Variants in KIF18B observed in about 807,000 individuals in gnomAD.
KIF18B encodes the protein kinesin-like protein KIF18B.
In KIF18B, 49 loss-of-function variants were observed where a neutral mutation model predicts 80.9. That is an observed-to-expected ratio of 0.61 (90% CI 0.48 to 0.77). The LOEUF (loss-of-function observed/expected upper bound fraction) is 0.77. KIF18B is among the 30% of genes least tolerant of loss of function. KIF18B has a pLI of 0.00. For synonymous variants in KIF18B, 439 were observed against 463.9 expected, an observed-to-expected ratio of 0.95 and a Z score of 0.69; for missense variants, 994 against 1,127.7, an observed-to-expected ratio of 0.88 and a Z score of 1.70.
Position 44,931,587 on chromosome 17 carries a change from CAAG to C in KIF18B, c.1517+12_1517+14del, listed in dbSNP as rs745648025. 34 of 1,613,784 alleles carry C rather than the reference CAAG, an allele frequency of 2.1e-5. No individual in the cohort carries two copies. The Middle Eastern group carries it at 6.6e-4, about 31-fold the overall frequency. On this transcript the variant is annotated intron_variant, in intron 11 of 15. Transcript: ENST00000593135. The stretch of plus-strand genomic sequence containing the variant: ...TTCCCACCTTGATTCCAGAATACAG[CAAG>C]AAGATACCTACTGCTTAGAACGGTC...
chr17:44,926,629 G>C, intron 14 of KIF18B, 130 bp from the exon 15 acceptor site: 2 of 882,282 alleles, frequency 2.3e-6, no homozygotes, highest in Non-Finnish European at 3.4e-6. Context: ...ACCAGCAGGA[G>C]CTTCCAGAGC....
At position 44,934,879 on chromosome 17, in the gene KIF18B, G is replaced by A. The variant is rs141169203; in HGVS notation, c.528C>T (p.Arg176=). The A allele has an allele frequency of 2.1e-3, 3,252 of 1,551,944 alleles. 68 individuals carry two copies. The Admixed American group carries it at 0.041, about 20-fold the overall frequency. ...CCACCACCCCCTTGTCGGGGTCCTC[G>A]CGGATGGCAAGGGGCCCCTTGGGCT... The part of the protein sequence containing the change: ...LLEPKGPLAI[R]EDPDKGVVVQ... The change falls in exon 4 of 16, where the codon CGC becomes CGT. Residue 176 remains arginine, a synonymous_variant. Transcript: ENST00000593135. The surrounding 1 kb of genome is among the most constrained non-coding windows in gnomAD (Gnocchi z 5.4).
At chr17:44,929,493 C>T (rs1264188671) in intron 11 of KIF18B, among the ~76,000 whole-genome samples, 1 of 152,182 alleles carries the variant, frequency 6.6e-6, no homozygotes, top group Non-Finnish European at 1.5e-5. Context: ...CAATACCTCC[C>T]AGCTGTGTGA....
intron 1 of KIF18B, among the ~76,000 whole-genome samples, chr17:44,946,564 G>A (rs775017441): frequency 1.3e-5 from 2 of 152,158 alleles, no homozygotes; most frequent in Admixed American, 6.5e-5. Context: ...AAGATTAAAT[G>A]AGTTCATTCA....
intron 9 of KIF18B, 91 bp from the exon 10 acceptor site, chr17:44,932,297 G>A: frequency 7.0e-7 from 1 of 1,422,066 alleles, no homozygotes; most frequent in South Asian, 1.4e-5. Context: ...GGGAGAGCAG[G>A]GAGCGGGTGG....
chr17:44,927,911 G>T lies in KIF18B; in HGVS notation c.2276+115C>A. On this transcript the variant is annotated intron_variant, in intron 13 of 15. Coordinates refer to ENST00000593135, the MANE Select transcript of KIF18B (RefSeq NM_001265577.2). This position sits in a 1 kb window ranked among gnomAD's most constrained non-coding sequence, Gnocchi z 4.1. ...AGCGGATCACAACCAAAGTGGAACA[G>T]ATAGGAACCGTCCCAGCTCCAAGGC... 1.0e-6 allele frequency: 1 copy of T among 966,880 alleles called. No individual in the cohort carries two copies. Among genetic ancestry groups the T allele is most frequent in the Non-Finnish European group, 1.5e-6 (1 of 686,936 alleles). The allele number at this position is 966,880 out of a possible 1,614,324, so 59.9% of individuals were successfully genotyped here.
At position 44,928,895 on chromosome 17, in the gene KIF18B, C is replaced by G; in HGVS notation, c.1647G>C (p.Glu549Asp). The G allele has an allele frequency of 6.2e-7, 1 of 1,613,996 alleles. No individual in the cohort carries two copies. ...LQQLVQEEKI[E>D]PGAEALRTSG... ...AAGTCCTCAAGGCCTCTGCCCCAGG[C>G]TCAATTTTTTCCTCTTGCACCAGCT... Residue 549 changes from glutamate to aspartate, a missense_variant, in exon 12 of 16, where the codon GAG becomes GAC. Coordinates refer to ENST00000593135, the MANE Select transcript of KIF18B (RefSeq NM_001265577.2).
In KIF18B at chr17:44,926,392, C is replaced by A; in HGVS notation, c.2452+22G>T. 4 of 1,560,558 alleles carry A rather than the reference C, an allele frequency of 2.6e-6. No homozygotes were observed. The South Asian group carries it at 3.5e-5, about 14-fold the overall frequency. ...CATCGGCCTCCATGGCCCAGGCTAT[C>A]CCTGTCCCTAGTGCCAGTCACCTGG... On this transcript the variant is annotated intron_variant, in intron 15 of 15. Coordinates refer to ENST00000593135, the MANE Select transcript of KIF18B (RefSeq NM_001265577.2).
In KIF18B at chr17:44,934,308, C is replaced by G; in HGVS notation, c.810G>C (p.Arg270=). 1.2e-6 allele frequency: 2 copies of G among 1,611,850 alleles called. No homozygotes were observed. The highest frequency in any genetic ancestry group is 1.7e-6 in the Non-Finnish European group (2 of 1,179,154). The change falls in exon 6 of 16, where the codon CGG becomes CGC. Residue 270 remains arginine (R), a synonymous_variant. Transcript: ENST00000593135. The surrounding 1 kb of genome is among the most constrained non-coding windows in gnomAD (Gnocchi z 5.4). ...GGTTGATGTTGGCCCCCTCCCGCAG[C>G]CGCTCCCCCTTCGCATGGGTGCTGG... ...RASSTHAKGE[R]LREGANINRS...
At chr17:44,936,616 ATATATATATTTTTTTTTTT>A (rs1567796156) in intron 1 of KIF18B, among the ~76,000 whole-genome samples, 10 of 79,786 alleles carry the variant, frequency 1.3e-4, no homozygotes, top group African/African-American at 5.1e-4. Context: ...ATATATATAT[ATATATATATTTTTTTTTTT>A]TTTTTTTTTT....
At position 44,926,026 on chromosome 17, in the gene KIF18B, C is replaced by T; in HGVS notation, c.*54G>A. On this transcript the variant is annotated 3_prime_UTR_variant, in exon 16 of 16. Transcript: ENST00000593135. Reference sequence around the variant, plus strand: ...GTGGCTACAGGTCCAAGAGGGGTATCCAGCAGAGGGGCCGGTAGGTTAGGA... The same window carrying T: ...GTGGCTACAGGTCCAAGAGGGGTATTCAGCAGAGGGGCCGGTAGGTTAGGA... 1 of 1,601,118 alleles carries T rather than the reference C, an allele frequency of 6.2e-7. No individual in the cohort carries two copies. Among genetic ancestry groups the T allele is most frequent in the Middle Eastern group, 1.7e-4 (1 of 6,046 alleles).
chr17:44,947,503 G>T (rs1044883662), intron 1 of KIF18B, 125 bp downstream of exon 1: 9 of 152,342 alleles, frequency 5.9e-5, no homozygotes, highest in African/African-American at 2.2e-4. Flanking sequence ...TCTCCGCGCC[G>T]CACCTTGACG....
At chr17:44,936,592 CTCTCTCTATATATATATA>C (rs1210696021) in intron 1 of KIF18B, among the ~76,000 whole-genome samples, 1 of 53,110 alleles carries the variant, frequency 1.9e-5, no homozygotes, top group South Asian at 7.9e-4. Context: ...CTCTCTCTCT[CTCTCTCTATATATATATA>C]TATATATATA....
chr17:44,929,076 G>A, intron 11 of KIF18B, 52 bp from the exon 12 acceptor site: 1 of 1,525,500 alleles, frequency 6.6e-7, no homozygotes. Context: ...AGCCTGACCA[G>A]GAGCCTCTAT....
In KIF18B at chr17:44,931,642, G is replaced by A. The variant is rs745911249; in HGVS notation, c.1477C>T (p.His493Tyr). The change falls in exon 11 of 16, where the codon CAC becomes TAC. Residue 493 changes from histidine to tyrosine, a missense_variant. Coordinates refer to ENST00000593135, the MANE Select transcript of KIF18B (RefSeq NM_001265577.2). The stretch of plus-strand genomic sequence containing the variant: ...CCATCCAGTTCCCGTGCTGAGAAGT[G>A]GCCCACGACTGGCTTGGGCTGCAGG... ...LTLQPKPVVG[H>Y]FSARELDGDR... The A allele has an allele frequency of 8.7e-6, 14 of 1,613,866 alleles. No individual in the cohort carries two copies. The highest frequency in any genetic ancestry group is 1.3e-5 in the African/African-American group (1 of 74,902).
chr17:44,946,289 G>A (rs1354690452), intron 1 of KIF18B, among the ~76,000 whole-genome samples: 1 of 151,962 alleles, frequency 6.6e-6, no homozygotes, highest in African/African-American at 2.4e-5. Flanking sequence ...AATGGAATTC[G>A]GTTAGATAAT....
chr17:44,934,150 A>G lies in KIF18B; in HGVS notation c.886-51T>C. The G allele has an allele frequency of 1.2e-6, 2 of 1,602,778 alleles. No homozygotes were observed. The highest frequency in any genetic ancestry group is 1.7e-6 in the Non-Finnish European group (2 of 1,174,086). Reference sequence around the variant, plus strand: ...GTGAGGCGACTGATGGCACTGACCCAGGATGGGGCCCTGTGGCCTTTGGCC... The same window carrying G: ...GTGAGGCGACTGATGGCACTGACCCGGGATGGGGCCCTGTGGCCTTTGGCC... On this transcript the variant is annotated intron_variant, in intron 6 of 15. Transcript: ENST00000593135. This position sits in a 1 kb window ranked among gnomAD's most constrained non-coding sequence, Gnocchi z 5.4.
In KIF18B at chr17:44,935,252, A is replaced by T. The variant is rs2052258588; in HGVS notation, c.471+7T>A. The T allele has an allele frequency of 1.3e-6, 2 of 1,596,602 alleles. No individual in the cohort carries two copies. Among genetic ancestry groups the T allele is most frequent in the Non-Finnish European group, 1.7e-6 (2 of 1,169,640 alleles). ...TGAGAACAAGGCCCAGGGCAGGGGC[A>T]GCCGACCTCCTGGTAGCTGATGAGC... On this transcript the variant is annotated splice_region_variant and intron_variant, in intron 3 of 15. Transcript: ENST00000593135.
chr17:44,944,554 G>A (rs1029200853), intron 1 of KIF18B, among the ~76,000 whole-genome samples: 1 of 152,052 alleles, frequency 6.6e-6, no homozygotes, highest in Non-Finnish European at 1.5e-5. Context: ...GGCCCGACTT[G>A]TAATTTTCTT....
Sources: gnomAD v4.1 joint callset for allele counts (sites outside exome capture counted in the v4.1 genomes callset) on GRCh38, gnomAD v4.1.1 for gene constraint, Gnocchi (gnomAD v3.1) non-coding constraint, MANE v1.5 for transcripts, NCBI Gene and HGNC (gene_info 2026-07-23, HGNC 2026-07-21) for gene names.